Variants in MBP observed in about 807,000 individuals in gnomAD.
The protein encoded by MBP is myelin basic protein, also known as Golli-MBP.
A neutral mutation model predicts 35.8 loss-of-function variants in MBP; 16 were observed. The observed-to-expected ratio is 0.45, with a 90% confidence interval of 0.30 to 0.68. MBP has a LOEUF of 0.68. MBP is among the 30% of genes least tolerant of loss of function. MBP has a pLI of 0.08. For missense variants in MBP, 380 were observed against 404.7 expected (o/e 0.94, Z 0.52); for synonymous variants, 143 against 159.6 (o/e 0.90, Z 0.78).
intron 3 of MBP, among the ~76,000 whole-genome samples, chr18:77,051,028 A>T (rs563161606): frequency 7.9e-5 from 12 of 152,142 alleles, no homozygotes; most frequent in Non-Finnish European, 5.9e-5. Context: ...GAAATGGAAC[A>T]TGAAGACATA....
chr18:77,070,007 T>C (rs556698010), intron 2 of MBP, among the ~76,000 whole-genome samples: 1 of 152,280 alleles, frequency 6.6e-6, no homozygotes, highest in Non-Finnish European at 1.5e-5. Context: ...TCTACTCAAA[T>C]ATAAGGTTTG....
At chr18:77,017,314 G>C (rs891858232) in intron 3 of MBP, 46 bp from the exon 4 acceptor site, 1 of 1,466,872 alleles carries the variant, frequency 6.8e-7, no homozygotes, top group Non-Finnish European at 9.0e-7. Context: ...GCAAAGCTGA[G>C]CACCGGACAA....
Position 77,058,691 on chromosome 18 carries a change from T to C in MBP, c.139+7607A>G, listed in dbSNP as rs532204913. ...AATCTGGAACAGACTGGGGACCAAG[T>C]CTCAAGCTCCAGGCCTGTGGGGTCA... On this transcript the variant is annotated intron_variant, in intron 3 of 8. Coordinates refer to ENST00000355994, the MANE Select transcript of MBP (RefSeq NM_001025101.2). Among the ~76,000 whole-genome samples, 6 of 152,272 alleles carry C rather than the reference T, an allele frequency of 3.9e-5. No homozygotes were observed. The South Asian group carries it at 1.2e-3, about 32-fold the overall frequency.
rs772465883 is a variant in MBP, at chr18:76,988,438, G to A, written c.750+57C>T. 38 of 1,614,084 alleles carry A rather than the reference G, an allele frequency of 2.4e-5. No individual in the cohort carries two copies. Among genetic ancestry groups the A allele is most frequent in the Admixed American group, 6.7e-5 (4 of 60,002 alleles). ...AAACAGAGCAGAACACAAAAGTTGC[G>A]GGGCTGTGAGGACTGGGACGGAAGA... On this transcript the variant is annotated intron_variant, in intron 7 of 8. Coordinates refer to ENST00000355994, the MANE Select transcript of MBP (RefSeq NM_001025101.2). This position sits in a 1 kb window ranked among gnomAD's most constrained non-coding sequence, Gnocchi z 5.2.
chr18:77,097,945 T>G (rs1975830269), intron 2 of MBP, among the ~76,000 whole-genome samples: 3 of 152,142 alleles, frequency 2.0e-5, no homozygotes, highest in Admixed American at 2.0e-4. Context: ...TATTTGCTTA[T>G]GCTTGTCTCA....
chr18:77,022,295 G>A (rs1972020744), intron 3 of MBP, among the ~76,000 whole-genome samples: 1 of 152,222 alleles, frequency 6.6e-6, no homozygotes, highest in Non-Finnish European at 1.5e-5. Context: ...GCGTACGGCT[G>A]CCAGTGTGAC....
rs558141448 is a variant in MBP at position 77,028,826 on chromosome 18, G to C, written c.140-11558C>G. On this transcript the variant is annotated intron_variant, in intron 3 of 8. Coordinates refer to ENST00000355994, the MANE Select transcript of MBP (RefSeq NM_001025101.2). ...CTGACTTCTCAGACGGGGCGGCCGG[G>C]CAGAGACGCTCCTCACTTCCCAGAT... Among the ~76,000 whole-genome samples, 516 of 61,106 alleles carry C rather than the reference G, an allele frequency of 8.4e-3. 165 individuals carry two copies. Among genetic ancestry groups the C allele is most frequent in the Non-Finnish European group, 0.015 (343 of 22,738 alleles). 40.1% of individuals were successfully genotyped at this position (61,106 alleles called of 152,430 possible). A position where few individuals can be genotyped will look rare whatever the true frequency, so the allele number is the denominator to read the frequency against.
chr18:77,051,033 G>C (rs1973467401), intron 3 of MBP, among the ~76,000 whole-genome samples: 1 of 152,054 alleles, frequency 6.6e-6, no homozygotes, highest in South Asian at 2.1e-4. Flanking sequence ...GGAACATGAA[G>C]ACATAATTTT....
intron 3 of MBP, among the ~76,000 whole-genome samples, chr18:77,052,846 C>T (rs1277203533): frequency 2.6e-5 from 4 of 152,144 alleles, no homozygotes; most frequent in Non-Finnish European, 5.9e-5. Context: ...TCAGCAGGGG[C>T]CCCCTCACGC....
chr18:77,051,920 G>A (rs778655949), intron 3 of MBP, among the ~76,000 whole-genome samples: 7 of 152,134 alleles, frequency 4.6e-5, no homozygotes, highest in Admixed American at 2.0e-4. Flanking sequence ...TTGTAGAAGC[G>A]AGGCCCAGCT....
chr18:77,016,406 G>A (rs1971640827), intron 4 of MBP: 4 of 1,011,170 alleles, frequency 4.0e-6, no homozygotes, highest in Non-Finnish European at 4.7e-6. Flanking sequence ...GAAGCTAGCA[G>A]CACTGACTCC....
chr18:77,089,473 C>G (rs1200996726), intron 2 of MBP, among the ~76,000 whole-genome samples: 2 of 152,234 alleles, frequency 1.3e-5, no homozygotes, highest in African/African-American at 4.8e-5. Flanking sequence ...GGGACACAGC[C>G]TCAAGGCACA....
chr18:77,087,079 G>GA (rs1043893122), intron 2 of MBP, among the ~76,000 whole-genome samples: 61 of 148,752 alleles, frequency 4.1e-4, no homozygotes, highest in East Asian at 5.9e-4. Context: ...TAATTCCATA[G>GA]AAAAAAAAAA....
intron 2 of MBP, among the ~76,000 whole-genome samples, chr18:77,098,830 G>A (rs780846114): frequency 3.9e-5 from 6 of 152,176 alleles, no homozygotes; most frequent in Non-Finnish European, 8.8e-5. Context: ...AGATTTAAAC[G>A]GGCCGTTCCT....
chr18:77,028,716 C>G (rs1889378537), intron 3 of MBP, among the ~76,000 whole-genome samples: 1 of 96,492 alleles, frequency 1.0e-5, no homozygotes, highest in Non-Finnish European at 2.8e-5. Flanking sequence ...GCGCCCCTCA[C>G]CTCCCGGACG....
At chr18:77,086,260 C>G (rs901621200) in intron 2 of MBP, among the ~76,000 whole-genome samples, 3 of 152,200 alleles carry the variant, frequency 2.0e-5, no homozygotes, top group African/African-American at 4.8e-5. Context: ...CCTACCCATT[C>G]AAGAGCAAAA....
At chr18:77,111,148 G>A (rs867105515) in intron 1 of MBP, among the ~76,000 whole-genome samples, 4 of 152,062 alleles carry the variant, frequency 2.6e-5, no homozygotes, top group African/African-American at 4.8e-5. Flanking sequence ...ATAAATACAC[G>A]CTGAAGACAC....
rs1277280736 is a variant in MBP, at chr18:77,132,696, C to A, written c.-142G>T. The A allele has an allele frequency of 6.6e-6, 1 of 151,816 alleles. No individual in the cohort carries two copies. Among genetic ancestry groups the A allele is most frequent in the African/African-American group, 2.4e-5 (1 of 41,280 alleles). 9.4% of individuals were successfully genotyped at this position (151,816 alleles called of 1,614,324 possible). On this transcript the variant is annotated 5_prime_UTR_variant, in exon 1 of 9. Coordinates refer to ENST00000355994, the MANE Select transcript of MBP (RefSeq NM_001025101.2). ...TTCAAGCGCCCACGCGCGGGGTCCC[C>A]GGGCAGCCTGCTTCGCCTTCCGGGG...
chr18:76,997,008 C>G (rs933662620), intron 4 of MBP, among the ~76,000 whole-genome samples: 1 of 152,198 alleles, frequency 6.6e-6, no homozygotes, highest in Admixed American at 6.5e-5. Context: ...CTCCTTCCGC[C>G]TCGGGGCTCC....
Sources: allele counts gnomAD v4.1 joint callset (sites outside exome capture counted in the v4.1 genomes callset), GRCh38; gene constraint gnomAD v4.1.1; non-coding constraint Gnocchi (gnomAD v3.1); transcripts MANE v1.5; gene names NCBI Gene and HGNC (gene_info 2026-07-23, HGNC 2026-07-21).